REV3L: variants seen among roughly 807,000 people sequenced by gnomAD.
The protein encoded by REV3L is DNA polymerase zeta catalytic subunit.
Under a neutral mutation model 299.4 loss-of-function variants are expected in REV3L, and 69 were observed. The observed-to-expected ratio is 0.23, with a 90% CI of 0.19 to 0.28. REV3L has a LOEUF of 0.28. Among genes scored for constraint, REV3L ranks in the 10% least tolerant of loss-of-function variants. The pLI is 1.00. For missense variants in REV3L, 3,128 were observed against 3,693.8 expected (o/e 0.85, Z 3.97); for synonymous variants, 1,238 against 1,271.4 (o/e 0.97, Z 0.56).
rs1411578260 is a variant in REV3L at position 111,422,655 on chromosome 6, TATATATAC to T, written c.140-6191_140-6184del. 3.9e-3 allele frequency among the ~76,000 whole-genome samples: 137 copies of T among 35,296 alleles called. 18 individuals carry two copies. The Middle Eastern group carries it at 0.079, about 20-fold the overall frequency. The allele number at this position is 35,296 out of a possible 152,430, so 23.2% of individuals were successfully genotyped here. A position where few individuals can be genotyped will look rare whatever the true frequency, so the allele number is the denominator to read the frequency against. On this transcript the variant is annotated intron_variant, in intron 1 of 31. Coordinates refer to ENST00000368802, the MANE Select transcript of REV3L (RefSeq NM_001372078.1). ...ACACATATATATATATATACATATA[TATATATAC>T]ATATATATATATATACGTATATATA...
intron 5 of REV3L, 93 bp downstream of exon 5, chr6:111,392,783 T>C: frequency 1.3e-6 from 1 of 777,758 alleles, no homozygotes; most frequent in East Asian, 2.6e-5. Context: ...TCCAATACAA[T>C]AAAAGGTTAA....
Position 111,372,902 on chromosome 6 carries a change from A to C in REV3L, c.5453T>G (p.Phe1818Cys). 6.2e-7 allele frequency: 1 copy of C among 1,614,106 alleles called. No homozygotes were observed. ...GQSLDSANTSFTAILSSPDGE... is the reference protein window; with the variant it reads ...GQSLDSANTSCTAILSSPDGE... ...ATCAGGGGAGGAGAGTATTGCAGTAAAAGAGGTATTGGCTGAGTCAAGAGA... is the reference window on the plus strand; with the variant it reads ...ATCAGGGGAGGAGAGTATTGCAGTACAAGAGGTATTGGCTGAGTCAAGAGA... The change falls in exon 13 of 32, where the codon TTT becomes TGT. Residue 1818 changes from phenylalanine to cysteine, a missense_variant. Transcript: ENST00000368802.
At chr6:111,308,856 G>A (rs1027778309) in intron 30 of REV3L, among the ~76,000 whole-genome samples, 11 of 152,204 alleles carry the variant, frequency 7.2e-5, no homozygotes, top group South Asian at 2.1e-4. Context: ...TACTTAAAAC[G>A]TTTATCTTTT....
At chr6:111,361,426 A>C (rs1778659420) in intron 16 of REV3L, 1 of 150,920 alleles carries the variant, frequency 6.6e-6, no homozygotes, top group Admixed American at 6.6e-5. Flanking sequence ...ACACAAAAAA[A>C]AAAACAAAAA....
At chr6:111,390,697 C>G (rs367721184) in intron 5 of REV3L, among the ~76,000 whole-genome samples, 1 of 152,130 alleles carries the variant, frequency 6.6e-6, no homozygotes, top group South Asian at 2.1e-4. Context: ...CTTTAAAATT[C>G]TTCATAACTA....
chr6:111,465,838 G>T (rs369310343), intron 1 of REV3L, among the ~76,000 whole-genome samples: 2 of 146,310 alleles, frequency 1.4e-5, no homozygotes, highest in East Asian at 4.1e-4. Flanking sequence ...GATGAAAAAC[G>T]ATTTATACAA....
chr6:111,462,070 G>C (rs1583077632), intron 1 of REV3L, among the ~76,000 whole-genome samples: 3 of 152,206 alleles, frequency 2.0e-5, no homozygotes, highest in Middle Eastern at 3.4e-3. Context: ...GGTTGAAAGT[G>C]AAAGTAAAAC....
rs142412600 is a variant in REV3L at position 111,473,871 on chromosome 6, G to T, written c.139+8879C>A. On this transcript the variant is annotated intron_variant, in intron 1 of 31. Coordinates refer to ENST00000368802, the MANE Select transcript of REV3L (RefSeq NM_001372078.1). The stretch of plus-strand genomic sequence containing the variant: ...TCCAGCCTCACACCAACCAACTGTA[G>T]GACACTGGACAAATCCCTGAGCCTG... Among the ~76,000 whole-genome samples the T allele has an allele frequency of 6.6e-4, 101 of 152,144 alleles. 1 individual carries two copies. The East Asian group carries it at 0.014, about 22-fold the overall frequency.
intron 3 of REV3L, among the ~76,000 whole-genome samples, chr6:111,407,191 T>C (rs1453709015): frequency 2.0e-5 from 3 of 152,152 alleles, no homozygotes; most frequent in African/African-American, 7.2e-5. Flanking sequence ...GGCTATTCCA[T>C]CTATCCAGTA....
intron 13 of REV3L, among the ~76,000 whole-genome samples, chr6:111,370,824 C>T (rs1244263808): frequency 1.3e-5 from 2 of 152,298 alleles, no homozygotes; most frequent in East Asian, 3.9e-4. Flanking sequence ...CCATCCCCTA[C>T]CAGAGTGGTA....
chr6:111,333,257 T>TA lies in REV3L; in HGVS notation c.7790dup (p.Ile2598AsnfsTer5). Reference sequence around the variant, plus strand: ...AGAAGCGGGATTCAGGCTCCATAATTAGAGGAACACACTGTGGGGCTCTCA... The same window carrying TA: ...AGAAGCGGGATTCAGGCTCCATAATTAAGAGGAACACACTGTGGGGCTCTCA... On this transcript the variant is annotated frameshift_variant, in exon 23 of 32. Transcript: ENST00000368802. LOFTEE classifies it high-confidence loss of function. 6.2e-7 allele frequency: 1 copy of TA among 1,614,038 alleles called. No individual in the cohort carries two copies.
In REV3L at chr6:111,333,272, T is replaced by C. The variant is rs1054985454; in HGVS notation, c.7776A>G (p.Pro2592=). ...GCTCCATAATTAGAGGAACACACTG[T>C]GGGGCTCTCATCTGGGATCTTTGCT... ...SVQQRSQMRA[P]QCVPLIMEPE... Residue 2592 remains proline, a synonymous_variant, in exon 23 of 32, where the codon CCA becomes CCG. Coordinates refer to ENST00000368802, the MANE Select transcript of REV3L (RefSeq NM_001372078.1). 6.2e-7 allele frequency: 1 copy of C among 1,613,948 alleles called. No individual in the cohort carries two copies. Among genetic ancestry groups the C allele is most frequent in the African/African-American group, 1.3e-5 (1 of 74,910 alleles).
At chr6:111,324,455 C>A (rs1411205859) in intron 25 of REV3L, among the ~76,000 whole-genome samples, 1 of 152,174 alleles carries the variant, frequency 6.6e-6, no homozygotes, top group Non-Finnish European at 1.5e-5. Context: ...CACTTTCAAA[C>A]AAGGTCAACT....
At chr6:111,328,331 T>A (rs1022787703) in intron 25 of REV3L, among the ~76,000 whole-genome samples, 4 of 152,206 alleles carry the variant, frequency 2.6e-5, no homozygotes, top group Admixed American at 2.6e-4. Context: ...TCTTGAACTC[T>A]TGGGCTCAAG....
chr6:111,380,351 C>T (rs938029970), intron 10 of REV3L, 132 bp from the exon 11 acceptor site: 8 of 636,148 alleles, frequency 1.3e-5, no homozygotes, highest in Non-Finnish European at 1.6e-5. Context: ...GCTCTGCCTC[C>T]TGGGTTCATG....
At chr6:111,461,613 G>A (rs1790785597) in intron 1 of REV3L, among the ~76,000 whole-genome samples, 1 of 151,894 alleles carries the variant, frequency 6.6e-6, no homozygotes. Context: ...TAAAAGTAAA[G>A]TGTATGACAA....
chr6:111,409,045 T>C (rs1449165529), intron 3 of REV3L, among the ~76,000 whole-genome samples: 2 of 152,216 alleles, frequency 1.3e-5, no homozygotes, highest in Non-Finnish European at 1.5e-5. Context: ...TTTTAAACTA[T>C]ATTTTTCAAA....
chr6:111,459,650 C>CA lies in REV3L; in HGVS notation c.139+23099dup, dbSNP rs766295255. 1.1e-3 allele frequency among the ~76,000 whole-genome samples: 161 copies of CA among 149,512 alleles called. 3 individuals carry two copies. The South Asian group carries it at 0.031, about 28-fold the overall frequency. On this transcript the variant is annotated intron_variant, in intron 1 of 31. Coordinates refer to ENST00000368802, the MANE Select transcript of REV3L (RefSeq NM_001372078.1). Reference sequence around the variant, plus strand: ...TCTCAAAAGAAGACATACAAATGGCCAAAAAAAAATTGAAAAAATGCTCAT... The same window carrying CA: ...TCTCAAAAGAAGACATACAAATGGCCAAAAAAAAAATTGAAAAAATGCTCAT...
Position 111,334,369 on chromosome 6 carries a change from A to C in REV3L, c.7681-1002T>G, listed in dbSNP as rs184771292. Among the ~76,000 whole-genome samples, 332 of 152,330 alleles carry C rather than the reference A, an allele frequency of 2.2e-3. 1 individual carries two copies. Among genetic ancestry groups the C allele is most frequent in the African/African-American group, 7.5e-3 (313 of 41,572 alleles). On this transcript the variant is annotated intron_variant, in intron 22 of 31. Transcript: ENST00000368802. ...TTATTTGGGAAAATTAGAGAATTAA[A>C]AAGCTGTCAGGAGACTTAAGATAGA...
Sources: gnomAD v4.1 joint callset for allele counts (sites outside exome capture counted in the v4.1 genomes callset) on GRCh38, gnomAD v4.1.1 for gene constraint, MANE v1.5 for transcripts, NCBI Gene and HGNC (gene_info 2026-07-23, HGNC 2026-07-21) for gene names.